KCMF1: variants seen among roughly 807,000 people sequenced by gnomAD.
KCMF1 encodes the protein potassium channel modulatory factor 1.
KCMF1 carries 3 observed loss-of-function variants against 41.1 expected under a neutral mutation model. The observed-to-expected ratio is 0.07, with a 90% CI of 0.03 to 0.19. The LOEUF is 0.19. KCMF1 is among the 10% of genes least tolerant of loss of function. KCMF1 has a pLI of 1.00. For missense variants in KCMF1, 286 were observed against 488.9 expected (o/e 0.58, Z 3.91); for synonymous variants, 142 against 164.5 (o/e 0.86, Z 1.04).
At chr2:85,033,883 G>A (rs1274479613) in intron 2 of KCMF1, among the ~76,000 whole-genome samples, 1 of 152,014 alleles carries the variant, frequency 6.6e-6, no homozygotes, top group Non-Finnish European at 1.5e-5. Flanking sequence ...ACCCAGTTGG[G>A]CAAAATATTT....
intron 1 of KCMF1, among the ~76,000 whole-genome samples, chr2:84,990,407 T>A (rs1046923186): frequency 3.2e-4 from 48 of 152,034 alleles, no homozygotes; most frequent in Admixed American, 1.8e-3. Flanking sequence ...TAAGAGGAAC[T>A]TCTTCTCACT....
intron 1 of KCMF1, among the ~76,000 whole-genome samples, chr2:84,990,996 G>T (rs1334567452): frequency 2.0e-5 from 3 of 152,168 alleles, no homozygotes; most frequent in African/African-American, 7.2e-5. Context: ...CATTCTAGCT[G>T]CAGGGTGGAG....
chr2:85,034,475 C>T (rs1304592369), intron 2 of KCMF1, among the ~76,000 whole-genome samples: 3 of 152,082 alleles, frequency 2.0e-5, no homozygotes, highest in Non-Finnish European at 4.4e-5. Context: ...ACCAATGTTT[C>T]AAATAAATGA....
intron 1 of KCMF1, among the ~76,000 whole-genome samples, chr2:85,020,757 T>G (rs373080203): frequency 1.2e-4 from 19 of 152,322 alleles, no homozygotes; most frequent in East Asian, 1.2e-3. Flanking sequence ...ATAAGAAAAT[T>G]TTTAAGTATT....
chr2:85,045,755 A>G (rs141308999), intron 4 of KCMF1, among the ~76,000 whole-genome samples: 232 of 152,390 alleles, frequency 1.5e-3, no homozygotes, highest in African/African-American at 5.4e-3. Context: ...GCTTGAAGAC[A>G]GAGTAAAACT....
At chr2:85,000,243 A>T (rs925394465) in intron 1 of KCMF1, among the ~76,000 whole-genome samples, 2 of 152,002 alleles carry the variant, frequency 1.3e-5, no homozygotes, top group East Asian at 3.9e-4. Flanking sequence ...CTCCTGCCTC[A>T]GCCTCCCGAG....
Position 85,028,046 on chromosome 2 carries a change from G to T in KCMF1, c.174G>T (p.Arg58Ser). 1 of 1,564,586 alleles carries T rather than the reference G, an allele frequency of 6.4e-7. No homozygotes were observed. Among genetic ancestry groups the T allele is most frequent in the Non-Finnish European group, 8.6e-7 (1 of 1,158,450 alleles). ...ACCCAATGCAGTGCATATTAACAAGGGTAGATTTTGGTAAGTAATTAAAAA... is the reference window on the plus strand; with the variant it reads ...ACCCAATGCAGTGCATATTAACAAGTGTAGATTTTGGTAAGTAATTAAAAA... ...TDHPMQCILTRVDFDLYYGGE... is the reference protein window; with the variant it reads ...TDHPMQCILTSVDFDLYYGGE... The change falls in exon 2 of 7, where the codon AGG (arginine) becomes AGT (serine). Residue 58 changes from arginine to serine, a missense_variant. By Grantham distance (110) the Arg-to-Ser change is moderately radical. Coordinates refer to ENST00000409785, the MANE Select transcript of KCMF1 (RefSeq NM_020122.5).
chr2:85,024,551 AGT>A lies in KCMF1; in HGVS notation c.17-3336_17-3335del, dbSNP rs1489617217. Among the ~76,000 whole-genome samples the A allele has an allele frequency of 2.6e-4, 35 of 133,318 alleles. No individual in the cohort carries two copies. In the South Asian group the frequency reaches 5.7e-3, roughly 22 times the overall value. 87.5% of individuals were successfully genotyped at this position (133,318 alleles called of 152,430 possible). On this transcript the variant is annotated intron_variant, in intron 1 of 6. Transcript: ENST00000409785. Reference sequence around the variant, plus strand: ...TTATCTCTTACTTTTTGATTTGGAGAGTGAGAGAGAGAGAGAGAGAGAGAGAG... The same window carrying A: ...TTATCTCTTACTTTTTGATTTGGAGAGAGAGAGAGAGAGAGAGAGAGAGAG...
intron 3 of KCMF1, among the ~76,000 whole-genome samples, chr2:85,042,146 C>A (rs1000228379): frequency 5.9e-5 from 9 of 152,190 alleles, no homozygotes; most frequent in Non-Finnish European, 1.3e-4. Flanking sequence ...TTCTTCTGCA[C>A]ACTGTCATGC....
chr2:84,992,063 T>C (rs1674052293), intron 1 of KCMF1, among the ~76,000 whole-genome samples: 1 of 152,180 alleles, frequency 6.6e-6, no homozygotes, highest in Admixed American at 6.5e-5. Context: ...AATGGAACTT[T>C]GGAGCCAGAC....
At chr2:85,003,745 T>G (rs1674394219) in intron 1 of KCMF1, among the ~76,000 whole-genome samples, 1 of 152,080 alleles carries the variant, frequency 6.6e-6, no homozygotes. Flanking sequence ...CCTACTGTCA[T>G]TTTCTAAGTC....
chr2:85,043,318 G>A (rs17025820), intron 3 of KCMF1, among the ~76,000 whole-genome samples: 2,987 of 152,182 alleles, frequency 0.02, 103 homozygotes, highest in African/African-American at 0.068. Flanking sequence ...AAATGAATCA[G>A]GCAGGCTGTT....
At chr2:85,009,524 T>C (rs1674604434) in intron 1 of KCMF1, among the ~76,000 whole-genome samples, 1 of 152,208 alleles carries the variant, frequency 6.6e-6, no homozygotes, top group Non-Finnish European at 1.5e-5. Context: ...TCCTATTCTC[T>C]GTTCTGGAAA....
At chr2:85,033,626 GTCCTGAGAGAGCGAGAATTCAC>G (rs1289027270) in intron 2 of KCMF1, among the ~76,000 whole-genome samples, 1 of 152,128 alleles carries the variant, frequency 6.6e-6, no homozygotes, top group Non-Finnish European at 1.5e-5. Flanking sequence ...AGCTAATTCA[GTCCTGAGAGAGCGAGAATTCAC>G]TCCTGAGAAA....
chr2:85,051,453 C>G (rs569737138), intron 6 of KCMF1, among the ~76,000 whole-genome samples: 1 of 133,864 alleles, frequency 7.5e-6, no homozygotes, highest in Non-Finnish European at 1.6e-5. Context: ...AAGACCCAAA[C>G]TACTCAGCTT....
chr2:84,989,736 G>C (rs2103975570), intron 1 of KCMF1, among the ~76,000 whole-genome samples: 1 of 152,324 alleles, frequency 6.6e-6, no homozygotes, highest in South Asian at 2.1e-4. Context: ...AGAGGACAGA[G>C]AAGCATGCTT....
intron 1 of KCMF1, among the ~76,000 whole-genome samples, chr2:85,014,514 A>T (rs1674719508): frequency 6.6e-6 from 1 of 152,048 alleles, no homozygotes; most frequent in South Asian, 2.1e-4. Context: ...GGTCTTTAGC[A>T]GATTAAAAAT....
intron 1 of KCMF1, among the ~76,000 whole-genome samples, chr2:84,996,757 A>C (rs1313223119): frequency 2.0e-5 from 3 of 152,174 alleles, no homozygotes; most frequent in African/African-American, 7.2e-5. Flanking sequence ...AGTCTCTTTA[A>C]AAATTATTAG....
At chr2:84,989,017 T>A (rs917259733) in intron 1 of KCMF1, among the ~76,000 whole-genome samples, 1 of 152,160 alleles carries the variant, frequency 6.6e-6, no homozygotes, top group African/African-American at 2.4e-5. Context: ...CCCCACCCTA[T>A]CATTTAAAAA....
Sources: allele counts gnomAD v4.1 joint callset (sites outside exome capture counted in the v4.1 genomes callset), GRCh38; gene constraint gnomAD v4.1.1; transcripts MANE v1.5; gene names NCBI Gene and HGNC (gene_info 2026-07-23, HGNC 2026-07-21).